COL9A2: variants seen among roughly 807,000 people sequenced by gnomAD.
The protein encoded by COL9A2 is collagen alpha-2(IX) chain.
Under a neutral mutation model 111.6 loss-of-function variants are expected in COL9A2, and 66 were observed. The observed-to-expected ratio is 0.59, with a 90% CI of 0.48 to 0.73. COL9A2 has a LOEUF of 0.73. Ranked by LOEUF, COL9A2 falls within the 30% of genes least tolerant of loss-of-function variation. COL9A2 has a pLI of 0.00. For synonymous variants in COL9A2, 353 were observed against 364.1 expected, an observed-to-expected ratio of 0.97 and a Z score of 0.35; for missense variants, 881 against 954.1, an observed-to-expected ratio of 0.92 and a Z score of 1.01.
rs1644045211 is a variant in COL9A2, at chr1:40,307,367, G to C, written c.1008+79C>G. On this transcript the variant is annotated intron_variant, in intron 19 of 31. Transcript: ENST00000372748. The surrounding 1 kb of genome is among the most constrained non-coding windows in gnomAD (Gnocchi z 4.8). Reference sequence around the variant, plus strand: ...AAGGCAAGAGGTGGTGATTGAGCAAGAGCCCCGGGTGTGTGTGGATTCTAA... The same window carrying C: ...AAGGCAAGAGGTGGTGATTGAGCAACAGCCCCGGGTGTGTGTGGATTCTAA... 4 of 1,394,942 alleles carry C rather than the reference G, an allele frequency of 2.9e-6. No individual in the cohort carries two copies. The highest frequency in any genetic ancestry group is 4.0e-6 in the Non-Finnish European group (4 of 997,030). The allele number at this position is 1,394,942 out of a possible 1,614,324, so 86.4% of individuals were successfully genotyped here. A position where few individuals can be genotyped will look rare whatever the true frequency, so the allele number is the denominator to read the frequency against.
At position 40,314,178 on chromosome 1, in the gene COL9A2, T is replaced by C. The variant is rs1296203926; in HGVS notation, c.249+27A>G. 1 of 1,612,876 alleles carries C rather than the reference T, an allele frequency of 6.2e-7. No homozygotes were observed. Among genetic ancestry groups the C allele is most frequent in the Admixed American group, 1.7e-5 (1 of 60,002 alleles). On this transcript the variant is annotated intron_variant, in intron 4 of 31. Transcript: ENST00000372748. This position sits in a 1 kb window ranked among gnomAD's most constrained non-coding sequence, Gnocchi z 4.1. The stretch of plus-strand genomic sequence containing the variant: ...GAGGTCAATTGGCAGAGCCCTACCC[T>C]GCCCCACCCGACACTCAGCTACTCA...
chr1:40,306,631 G>A (rs1192361036), intron 19 of COL9A2, among the ~76,000 whole-genome samples: 1 of 152,146 alleles, frequency 6.6e-6, no homozygotes, highest in Non-Finnish European at 1.5e-5. Flanking sequence ...AGAGGGACCA[G>A]CAAAGGCCTA....
Position 40,310,690 on chromosome 1 carries a change from C to T in COL9A2, c.684+24G>A. 1 of 1,563,140 alleles carries T rather than the reference C, an allele frequency of 6.4e-7. No individual in the cohort carries two copies. Among genetic ancestry groups the T allele is most frequent in the Non-Finnish European group, 8.7e-7 (1 of 1,152,182 alleles). On this transcript the variant is annotated intron_variant, in intron 13 of 31. Coordinates refer to ENST00000372748, the MANE Select transcript of COL9A2 (RefSeq NM_001852.4). This position sits in a 1 kb window ranked among gnomAD's most constrained non-coding sequence, Gnocchi z 4.9. ...GCTCCTGGGGTGAGGGAGAAGAGGG[C>T]CACTGAGGCAAGGTGTTCCTTACCG... is the stretch of plus-strand genomic sequence containing the variant.
In COL9A2 at chr1:40,301,041, CT is replaced by C; in HGVS notation, c.*140del. On this transcript the variant is annotated 3_prime_UTR_variant, in exon 32 of 32. Transcript: ENST00000372748. Reference sequence around the variant, plus strand: ...CCCCTTCCCCCATGTTTTAGAATTCCTTTTCCTTAGGACTCCTGAGTCCCAG... The same window carrying C: ...CCCCTTCCCCCATGTTTTAGAATTCCTTTCCTTAGGACTCCTGAGTCCCAG... The C allele has an allele frequency of 1.2e-6, 1 of 867,448 alleles. No individual in the cohort carries two copies. The highest frequency in any genetic ancestry group is 2.4e-5 in the Admixed American group (1 of 41,624). 53.7% of individuals were successfully genotyped at this position (867,448 alleles called of 1,614,324 possible).
At chr1:40,308,324 A>G in intron 16 of COL9A2, 79 bp from the exon 17 acceptor site, 2 of 1,430,308 alleles carry the variant, frequency 1.4e-6, no homozygotes, top group Non-Finnish European at 1.9e-6. Context: ...AACCACTGAG[A>G]ACAGTGGCCT....
chr1:40,308,527 C>T (rs1644066159), intron 16 of COL9A2, among the ~76,000 whole-genome samples: 1 of 152,250 alleles, frequency 6.6e-6, no homozygotes, highest in Non-Finnish European at 1.5e-5. Flanking sequence ...CCACAATCCA[C>T]TCAGCCAAAG....
In COL9A2 at chr1:40,301,103, G is replaced by C; in HGVS notation, c.*79C>G. 2 of 1,447,014 alleles carry C rather than the reference G, an allele frequency of 1.4e-6. No homozygotes were observed. Among genetic ancestry groups the C allele is most frequent in the Non-Finnish European group, 1.9e-6 (2 of 1,034,660 alleles). 89.6% of individuals were successfully genotyped at this position (1,447,014 alleles called of 1,614,324 possible). A position where few individuals can be genotyped will look rare whatever the true frequency, so the allele number is the denominator to read the frequency against. ...CTGGGGGAGATGGTTTCCTGGACTG[G>C]GGATGGGTGCATGTCCACCCAGAGG... On this transcript the variant is annotated 3_prime_UTR_variant, in exon 32 of 32. Coordinates refer to ENST00000372748, the MANE Select transcript of COL9A2 (RefSeq NM_001852.4).
chr1:40,311,515 G>A lies in COL9A2; in HGVS notation c.504C>T (p.Gly168=). Residue 168 remains glycine, a synonymous_variant, in exon 10 of 32, where the codon GGC becomes GGT. Coordinates refer to ENST00000372748, the MANE Select transcript of COL9A2 (RefSeq NM_001852.4). This position sits in a 1 kb window ranked among gnomAD's most constrained non-coding sequence, Gnocchi z 5.1. ...GRPGTIQGLE[G]SADFLCPTNC... is the part of the protein sequence containing the mutation. ...CGTCTCTCACCAGGAAATCCGCACT[G>A]CCTTCCAGACCCTGGATGGTTCCCG... 1 of 1,603,338 alleles carries A rather than the reference G, an allele frequency of 6.2e-7. No homozygotes were observed. Among genetic ancestry groups the A allele is most frequent in the Non-Finnish European group, 8.5e-7 (1 of 1,173,546 alleles).
chr1:40,302,953 C>T lies in COL9A2; in HGVS notation c.1604-144G>A, dbSNP rs3737819. Reference sequence around the variant, plus strand: ...ACCACCTTCCGTGGGCTCTGTTTTGCGGAAGTCAAAGGCCCAGAGTGACTT... The same window carrying T: ...ACCACCTTCCGTGGGCTCTGTTTTGTGGAAGTCAAAGGCCCAGAGTGACTT... On this transcript the variant is annotated intron_variant, in intron 29 of 31. Transcript: ENST00000372748. This position sits in a 1 kb window ranked among gnomAD's most constrained non-coding sequence, Gnocchi z 4.5. 37,078 of 1,129,710 alleles carry T rather than the reference C, an allele frequency of 0.033. 1,619 individuals are homozygous for T. The highest frequency in any genetic ancestry group is 0.19 in the African/African-American group (12,531 of 65,194). The allele number at this position is 1,129,710 out of a possible 1,614,324, so 70.0% of individuals were successfully genotyped here.
At position 40,302,766 on chromosome 1, in the gene COL9A2, C is replaced by T. The variant is rs1424285599; in HGVS notation, c.1647G>A (p.Leu549=). The change falls in exon 30 of 32, where the codon CTG becomes CTA. Residue 549 remains leucine (L), a synonymous_variant. Transcript: ENST00000372748. This position sits in a 1 kb window ranked among gnomAD's most constrained non-coding sequence, Gnocchi z 4.5. The stretch of plus-strand genomic sequence containing the variant: ...GAGGACCCATCATGCCCACCGCACC[C>T]AGGGCTTCCCGCTTGGCACTCACGG... The part of the protein sequence containing the change: ...EVAVSAKREA[L]GAVGMMGPPG... The T allele has an allele frequency of 6.6e-7, 1 of 1,512,456 alleles. No individual in the cohort carries two copies. Among genetic ancestry groups the T allele is most frequent in the South Asian group, 1.2e-5 (1 of 84,366 alleles). The allele number at this position is 1,512,456 out of a possible 1,614,324, so 93.7% of individuals were successfully genotyped here.
chr1:40,303,237 C>T lies in COL9A2; in HGVS notation c.1549-52G>A, dbSNP rs1467783870. 1.9e-6 allele frequency: 3 copies of T among 1,559,366 alleles called. No individual in the cohort carries two copies. The highest frequency in any genetic ancestry group is 2.6e-6 in the Non-Finnish European group (3 of 1,141,296). On this transcript the variant is annotated intron_variant, in intron 28 of 31. Transcript: ENST00000372748. The surrounding 1 kb of genome is among the most constrained non-coding windows in gnomAD (Gnocchi z 4.6). The stretch of plus-strand genomic sequence containing the variant: ...AGCCCCTGGCTACAAGGGCCCACCG[C>T]TCCTATCCCACCTGGCTGAGCGTGA...
Position 40,308,191 on chromosome 1 carries a change from C to T in COL9A2, c.900+1G>A. On this transcript the variant is annotated splice_donor_variant, in intron 17 of 31. Transcript: ENST00000372748. LOFTEE classifies it high-confidence loss of function. Reference sequence around the variant, plus strand: ...GGTGGGCCTAGGCCTCTGGCACCTACCGTTGCTCCTTTCGGGCCTGTGATC... The same window carrying T: ...GGTGGGCCTAGGCCTCTGGCACCTATCGTTGCTCCTTTCGGGCCTGTGATC... The T allele has an allele frequency of 6.2e-7, 1 of 1,614,166 alleles. No individual in the cohort carries two copies. The highest frequency in any genetic ancestry group is 1.1e-5 in the South Asian group (1 of 91,076).
In COL9A2 at chr1:40,302,811, T is replaced by TGGAG. The variant is rs3831927; in HGVS notation, c.1604-6_1604-3dup. 17,991 of 554,618 alleles carry TGGAG rather than the reference T, an allele frequency of 0.032. 185 individuals carry two copies. The highest frequency in any genetic ancestry group is 0.068 in the East Asian group (1,114 of 16,302). The allele number at this position is 554,618 out of a possible 1,614,324, so 34.4% of individuals were successfully genotyped here. ...TCACGGCGACCTCTGCCAGTTGCTC[T>TGGAG]GGAGGGAGGGAGGGAGGGAGGGAGA... On this transcript the variant is annotated splice_region_variant and splice_polypyrimidine_tract_variant and intron_variant, in intron 29 of 31. Transcript: ENST00000372748. The surrounding 1 kb of genome is among the most constrained non-coding windows in gnomAD (Gnocchi z 4.5).
At chr1:40,304,961 T>C in intron 21 of COL9A2, 114 bp from the exon 22 acceptor site, 1 of 821,970 alleles carries the variant, frequency 1.2e-6, no homozygotes, top group Non-Finnish European at 1.9e-6. Flanking sequence ...TCAGGGAAGG[T>C]TTCCCAGACC....
In COL9A2 at chr1:40,307,400, A is replaced by T; in HGVS notation, c.1008+46T>A. On this transcript the variant is annotated intron_variant, in intron 19 of 31. Coordinates refer to ENST00000372748, the MANE Select transcript of COL9A2 (RefSeq NM_001852.4). This position sits in a 1 kb window ranked among gnomAD's most constrained non-coding sequence, Gnocchi z 4.8. ...GGTGTGTGTGGATTCTAACCTCATCAGCCACTAGCCCCTGGCCAGCCCCTG... is the reference window on the plus strand; with the variant it reads ...GGTGTGTGTGGATTCTAACCTCATCTGCCACTAGCCCCTGGCCAGCCCCTG... 6.3e-7 allele frequency: 1 copy of T among 1,587,432 alleles called. No homozygotes were observed. Among genetic ancestry groups the T allele is most frequent in the South Asian group, 1.1e-5 (1 of 89,246 alleles).
Position 40,302,229 on chromosome 1 carries a change from T to C in COL9A2, c.1793-340A>G, listed in dbSNP as rs1406423065. On this transcript the variant is annotated intron_variant, in intron 30 of 31. Transcript: ENST00000372748. The surrounding 1 kb of genome is among the most constrained non-coding windows in gnomAD (Gnocchi z 4.5). ...ACTTTCAGTGTCCCCATTTTACAGA[T>C]AGTAAACCTAAGGCCCAGGGAAATT... is the stretch of plus-strand genomic sequence containing the variant. Among the ~76,000 whole-genome samples, 2 of 152,096 alleles carry C rather than the reference T, an allele frequency of 1.3e-5. No homozygotes were observed. The highest frequency in any genetic ancestry group is 2.4e-5 in the African/African-American group (1 of 41,402).
At position 40,312,372 on chromosome 1, in the gene COL9A2, T is replaced by C. The variant is rs1468867122; in HGVS notation, c.363+84A>G. 3.4e-5 allele frequency: 53 copies of C among 1,544,212 alleles called. No individual in the cohort carries two copies. The highest frequency in any genetic ancestry group is 4.6e-5 in the South Asian group (4 of 86,056). On this transcript the variant is annotated intron_variant, in intron 7 of 31. Transcript: ENST00000372748. The surrounding 1 kb of genome is among the most constrained non-coding windows in gnomAD (Gnocchi z 6.0). ...ATCACAGCAAGCTGGCTCCTTCCCA[T>C]GGTGGCCATTCCCTCGAAGCCTTTC...
intron 4 of COL9A2, among the ~76,000 whole-genome samples, chr1:40,313,536 G>A (rs531864460): frequency 2.0e-5 from 3 of 152,310 alleles, no homozygotes; most frequent in South Asian, 2.1e-4. Context: ...GAGAACTGAT[G>A]CAACATAGAA....
intron 22 of COL9A2, 118 bp from the exon 23 acceptor site, chr1:40,304,647 G>C: frequency 7.1e-7 from 1 of 1,404,394 alleles, no homozygotes; most frequent in Non-Finnish European, 9.9e-7. Flanking sequence ...CTGGCAGGGG[G>C]TCCTTTCTCC....
Sources: allele counts gnomAD v4.1 joint callset (sites outside exome capture counted in the v4.1 genomes callset), GRCh38; gene constraint gnomAD v4.1.1; non-coding constraint Gnocchi (gnomAD v3.1); transcripts MANE v1.5; gene names NCBI Gene and HGNC (gene_info 2026-07-23, HGNC 2026-07-21).